COL4A6: variants seen among roughly 807,000 people sequenced by gnomAD.
COL4A6 encodes the protein collagen type IV alpha 6 chain.
In COL4A6, 59 loss-of-function variants were observed where a neutral mutation model predicts 126.7. That is an observed-to-expected ratio of 0.47 (90% CI 0.38 to 0.58). The LOEUF (loss-of-function observed/expected upper bound fraction) is 0.58, where lower values mean the gene tolerates loss of function less well. Among genes scored for constraint, COL4A6 ranks in the 20% least tolerant of loss-of-function variants. The pLI is 0.00. For missense variants in COL4A6, 1,285 were observed against 1,337.3 expected (o/e 0.96, Z 0.61); for synonymous variants, 547 against 496.6 (o/e 1.10, Z -1.35).
chrX:108,281,555 A>T (rs1259766445), intron 3 of COL4A6, among the ~76,000 whole-genome samples: 78 of 111,434 alleles, frequency 7.0e-4, no homozygotes, highest in African/African-American at 2.5e-3. Flanking sequence ...AACATCGTGA[A>T]AATGGCCATA....
Position 108,157,255 on chromosome X carries a change from A to T in COL4A6, c.4818T>A (p.Thr1606=). The stretch of plus-strand genomic sequence containing the variant: ...GGCCTCCACCCTCGGCACCAGCGGC[A>T]GTGTGCTGAAACAGACAGGAGATTA... ...LWIGYSFLMH[T]AAGAEGGGQS... is the part of the protein sequence containing the mutation. The change falls in exon 45 of 45, where the codon ACT becomes ACA. Residue 1606 remains threonine, a synonymous_variant. Coordinates refer to ENST00000334504, the MANE Select transcript of COL4A6 (RefSeq NM_033641.4). 8.3e-7 allele frequency: 1 copy of T among 1,209,759 alleles called. No homozygotes were observed. The highest frequency in any genetic ancestry group is 1.8e-5 in the South Asian group (1 of 56,624).
At chrX:108,245,291 C>A (rs1267866741) in intron 3 of COL4A6, among the ~76,000 whole-genome samples, 1 of 112,090 alleles carries the variant, frequency 8.9e-6, no homozygotes, top group Non-Finnish European at 1.9e-5. Flanking sequence ...AGGCTCACTG[C>A]TGTGAGATAT....
At chrX:108,319,053 C>T (rs1286155320) in intron 2 of COL4A6, among the ~76,000 whole-genome samples, 1 of 112,686 alleles carries the variant, frequency 8.9e-6, no homozygotes, top group Non-Finnish European at 1.9e-5. Flanking sequence ...ATCTGGAGAT[C>T]ACCATCTCTG....
intron 2 of COL4A6, among the ~76,000 whole-genome samples, chrX:108,353,878 C>T (rs980389982): frequency 8.9e-6 from 1 of 112,292 alleles, no homozygotes. Context: ...GCTGGCCGAG[C>T]GCTGTGGCTC....
chrX:108,392,348 T>C lies in COL4A6; in HGVS notation c.63+45594A>G, dbSNP rs957371089. Among the ~76,000 whole-genome samples the C allele has an allele frequency of 2.7e-5, 3 of 110,602 alleles. No homozygotes were observed. In the Admixed American group the frequency reaches 2.9e-4, roughly 11 times the overall value. On this transcript the variant is annotated intron_variant, in intron 2 of 44. Transcript: ENST00000334504. ...TAACCCACACAATGGGAAAAAATAT[T>C]TGCAAATCATCTATCTGATAAGGAG...
chrX:108,362,055 T>TTGTGTG (rs10548613), intron 2 of COL4A6, among the ~76,000 whole-genome samples: 1 of 103,132 alleles, frequency 9.7e-6, no homozygotes, highest in Non-Finnish European at 2.0e-5. Context: ...TCAAACTAGT[T>TTGTGTG]TGTGTGTGTG....
At chrX:108,273,652 T>TA (rs2037519681) in intron 3 of COL4A6, among the ~76,000 whole-genome samples, 1 of 112,115 alleles carries the variant, frequency 8.9e-6, no homozygotes, top group South Asian at 3.7e-4. Flanking sequence ...TATGCAGCCA[T>TA]AAAAAGGGAT....
At chrX:108,404,831 G>T (rs1417883728) in intron 2 of COL4A6, among the ~76,000 whole-genome samples, 3 of 111,959 alleles carry the variant, frequency 2.7e-5, no homozygotes, top group African/African-American at 6.5e-5. Flanking sequence ...ATATATCATT[G>T]CCAATTTTTG....
At position 108,175,231 on chromosome X, in the gene COL4A6, T is replaced by C. The variant is rs1261752026; in HGVS notation, c.2831-16A>G. The C allele has an allele frequency of 8.6e-7, 1 of 1,160,448 alleles. No homozygotes were observed. The highest frequency in any genetic ancestry group is 2.6e-5 in the Admixed American group (1 of 37,929). ...CCTCTGTCTCCTGCAGGGATGGAGA[T>C]CAGCATGAGAAAGAGAGCTTAGACG... On this transcript the variant is annotated splice_polypyrimidine_tract_variant and intron_variant, in intron 29 of 44. Transcript: ENST00000334504.
Position 108,169,545 on chromosome X carries a change from C to T in COL4A6, c.3641G>A (p.Gly1214Asp). The T allele has an allele frequency of 4.1e-6, 5 of 1,211,702 alleles. No individual in the cohort carries two copies. The highest frequency in any genetic ancestry group is 4.5e-6 in the Non-Finnish European group (4 of 895,478). ...PKGEKGYPGI[G>D]IGAPGKPGLR... ...GCCCGGCTTCCCTGGAGCTCCGATG[C>T]CAATTCCTGGATATCCTTTTTCTCC... The change falls in exon 37 of 45, where the codon GGC becomes GAC. Residue 1214 changes from glycine to aspartate, a missense_variant. By Grantham distance (94) the Gly-to-Asp change is moderately conservative. Transcript: ENST00000334504.
chrX:108,199,392 T>C (rs2035320880), intron 13 of COL4A6, among the ~76,000 whole-genome samples: 1 of 110,995 alleles, frequency 9.0e-6, no homozygotes, highest in South Asian at 4.0e-4. Flanking sequence ...TACCTACGAA[T>C]GTTCCCATTA....
At chrX:108,228,925 G>A (rs755125231) in intron 3 of COL4A6, among the ~76,000 whole-genome samples, 13 of 112,225 alleles carry the variant, frequency 1.2e-4, no homozygotes, top group Non-Finnish European at 2.1e-4. Flanking sequence ...ATTCAGAGAC[G>A]TGTGAATTGA....
intron 2 of COL4A6, among the ~76,000 whole-genome samples, chrX:108,395,987 T>C (rs1414753091): frequency 2.7e-5 from 3 of 111,837 alleles, no homozygotes; most frequent in African/African-American, 9.7e-5. Flanking sequence ...AATTTCTTTT[T>C]TGTGTTTAAG....
chrX:108,389,984 A>C (rs1016863055), intron 2 of COL4A6, among the ~76,000 whole-genome samples: 1 of 111,621 alleles, frequency 9.0e-6, no homozygotes, highest in African/African-American at 3.3e-5. Flanking sequence ...TCCTTCACTT[A>C]TGAAGCTTAG....
chrX:108,419,589 G>A (rs1196710995), intron 2 of COL4A6, among the ~76,000 whole-genome samples: 2 of 112,048 alleles, frequency 1.8e-5, no homozygotes, highest in East Asian at 2.8e-4. Context: ...ATAATAGGAC[G>A]TGGCATAATA....
In COL4A6 at chrX:108,411,039, A is replaced by G. The variant is rs755115361; in HGVS notation, c.63+26903T>C. 1.6e-4 allele frequency among the ~76,000 whole-genome samples: 18 copies of G among 112,738 alleles called. No homozygotes were observed. In the East Asian group the frequency reaches 5.0e-3, roughly 31 times the overall value. ...AGAAATGCCTGTCAAAGGGTAAAACAATCAACATCTCAAAGATGAAGAATT... is the reference window on the plus strand; with the variant it reads ...AGAAATGCCTGTCAAAGGGTAAAACGATCAACATCTCAAAGATGAAGAATT... On this transcript the variant is annotated intron_variant, in intron 2 of 44. Coordinates refer to ENST00000334504, the MANE Select transcript of COL4A6 (RefSeq NM_033641.4).
intron 3 of COL4A6, among the ~76,000 whole-genome samples, chrX:108,223,743 T>C (rs2036086051): frequency 9.0e-6 from 1 of 111,274 alleles, no homozygotes; most frequent in Non-Finnish European, 1.9e-5. Flanking sequence ...ATAACATGTG[T>C]ATGTCAGAAT....
At chrX:108,417,061 A>G (rs2041449170) in intron 2 of COL4A6, among the ~76,000 whole-genome samples, 2 of 112,019 alleles carry the variant, frequency 1.8e-5, no homozygotes, top group Admixed American at 1.9e-4. Flanking sequence ...ATGAGATCAC[A>G]TGTGTAAAAG....
At chrX:108,293,131 T>C (rs1181124136) in intron 3 of COL4A6, among the ~76,000 whole-genome samples, 1 of 109,967 alleles carries the variant, frequency 9.1e-6, no homozygotes, top group Non-Finnish European at 1.9e-5. Flanking sequence ...AGCAGTACTT[T>C]AGTGTTTTGG....
Sources: allele counts gnomAD v4.1 joint callset (sites outside exome capture counted in the v4.1 genomes callset), GRCh38; gene constraint gnomAD v4.1.1; transcripts MANE v1.5; gene names NCBI Gene and HGNC (gene_info 2026-07-23, HGNC 2026-07-21).